Variants in CNTNAP4 observed in about 807,000 individuals in gnomAD.
CNTNAP4 encodes contactin associated protein family member 4, also known as contactin-associated protein-like 4.
Under a neutral mutation model 148.4 loss-of-function variants are expected in CNTNAP4, and 98 were observed. That is an observed-to-expected ratio of 0.66 (90% CI 0.56 to 0.78). The LOEUF (loss-of-function observed/expected upper bound fraction) is 0.78. Ranked by LOEUF, CNTNAP4 falls within the 30% of genes least tolerant of loss-of-function variation. The probability of loss-of-function intolerance (pLI) is 0.00; values close to 1 mark genes in which losing one functional copy is unlikely to be tolerated. For missense variants in CNTNAP4, 1,935 were observed against 1,565.6 expected, an observed-to-expected ratio of 1.24 and a Z score of -3.98; for synonymous variants, 730 against 565.1, an observed-to-expected ratio of 1.29 and a Z score of -4.14.
At chr16:76,299,319 C>T (rs577784160) in intron 1 of CNTNAP4, among the ~76,000 whole-genome samples, 1 of 152,100 alleles carries the variant, frequency 6.6e-6, no homozygotes, top group Non-Finnish European at 1.5e-5. Flanking sequence ...ACAACCCCAT[C>T]AACAAATGGG....
At chr16:76,451,454 G>T (rs2080467758) in intron 7 of CNTNAP4, among the ~76,000 whole-genome samples, 1 of 152,050 alleles carries the variant, frequency 6.6e-6, no homozygotes, top group Non-Finnish European at 1.5e-5. Flanking sequence ...CACATCACAA[G>T]TGTATTTATT....
intron 8 of CNTNAP4, among the ~76,000 whole-genome samples, chr16:76,460,058 C>G (rs910289523): frequency 6.6e-6 from 1 of 151,822 alleles, no homozygotes; most frequent in Non-Finnish European, 1.5e-5. Flanking sequence ...CATATTTTTC[C>G]TTTATTAAAA....
intron 15 of CNTNAP4, among the ~76,000 whole-genome samples, chr16:76,510,485 C>G (rs1341142209): frequency 1.3e-5 from 2 of 148,862 alleles, no homozygotes; most frequent in Non-Finnish European, 3.0e-5. Context: ...TTTTTGTGGA[C>G]AAAGGCTTTA....
At chr16:76,458,869 T>C (rs1446320363) in intron 8 of CNTNAP4, among the ~76,000 whole-genome samples, 1 of 152,244 alleles carries the variant, frequency 6.6e-6, no homozygotes, top group Non-Finnish European at 1.5e-5. Flanking sequence ...ATAGTAATTC[T>C]ACTTTTAGTT....
rs189607684 is a variant in CNTNAP4, at chr16:76,322,018, T to A, written c.196+5495T>A. On this transcript the variant is annotated intron_variant, in intron 2 of 23. Transcript: ENST00000611870. ...GCTGGGGCAGGTGAACTTCACTGACTGAGTTTGTTGCACTGGAGATGCCCT... is the reference window on the plus strand; with the variant it reads ...GCTGGGGCAGGTGAACTTCACTGACAGAGTTTGTTGCACTGGAGATGCCCT... 1.7e-4 allele frequency among the ~76,000 whole-genome samples: 26 copies of A among 152,256 alleles called. No individual in the cohort carries two copies. In the East Asian group the frequency reaches 3.9e-3, roughly 23 times the overall value.
chr16:76,535,442 C>A, intron 17 of CNTNAP4, 103 bp from the exon 18 acceptor site: 1 of 1,178,266 alleles, frequency 8.5e-7, no homozygotes, highest in Non-Finnish European at 1.2e-6. Flanking sequence ...TTTGCTCATC[C>A]ATTTTTTTTG....
intron 3 of CNTNAP4, among the ~76,000 whole-genome samples, chr16:76,424,145 C>T (rs962151221): frequency 3.3e-5 from 5 of 152,062 alleles, no homozygotes; most frequent in African/African-American, 7.2e-5. Context: ...ATAAATTGAT[C>T]AAGTGAAAAG....
At chr16:76,376,042 C>T (rs2015379747) in intron 3 of CNTNAP4, among the ~76,000 whole-genome samples, 3 of 147,246 alleles carry the variant, frequency 2.0e-5, no homozygotes, top group African/African-American at 7.6e-5. Flanking sequence ...CAAAAGGAGA[C>T]AAGAAGGAGC....
At chr16:76,511,931 A>G (rs1375553944) in intron 15 of CNTNAP4, among the ~76,000 whole-genome samples, 3 of 152,106 alleles carry the variant, frequency 2.0e-5, no homozygotes, top group Non-Finnish European at 2.9e-5. Context: ...AAGTTGAGGC[A>G]GGAGTGGGGT....
intron 15 of CNTNAP4, among the ~76,000 whole-genome samples, chr16:76,500,254 C>T (rs1001387978): frequency 3.3e-5 from 5 of 152,218 alleles, no homozygotes; most frequent in African/African-American, 1.2e-4. Flanking sequence ...CCGGACGGGG[C>T]GGCTGGCCGG....
chr16:76,536,376 A>G (rs140888803), intron 18 of CNTNAP4, among the ~76,000 whole-genome samples: 1,775 of 152,022 alleles, frequency 0.012, 45 homozygotes, highest in African/African-American at 0.041. Context: ...TTGTATTTTT[A>G]GTAGAGATAG....
At chr16:76,350,083 A>T (rs567598419) in intron 2 of CNTNAP4, among the ~76,000 whole-genome samples, 1 of 152,070 alleles carries the variant, frequency 6.6e-6, no homozygotes, top group Non-Finnish European at 1.5e-5. Context: ...TGAGTCTTAA[A>T]CATGATTCAG....
At chr16:76,485,816 A>G (rs1420621919) in intron 12 of CNTNAP4, among the ~76,000 whole-genome samples, 1 of 152,210 alleles carries the variant, frequency 6.6e-6, no homozygotes. Flanking sequence ...GAGGGTTAAT[A>G]CATAACTGTC....
At chr16:76,494,808 C>A (rs969397757) in intron 13 of CNTNAP4, 102 bp from the exon 14 acceptor site, 3 of 1,222,658 alleles carry the variant, frequency 2.5e-6, no homozygotes, top group African/African-American at 3.0e-5. Flanking sequence ...CTCCTTTTCT[C>A]CTTTTATTCT....
rs1013392401 is a variant in CNTNAP4, at chr16:76,397,847, A to T, written c.391-29605A>T. ...GCGAAGGAAAGAGATTTCATGCTAA[A>T]GGAAACCTTAGAATTCATGGACTGC... On this transcript the variant is annotated intron_variant, in intron 3 of 23. Transcript: ENST00000611870. Among the ~76,000 whole-genome samples, 150 of 146,312 alleles carry T rather than the reference A, an allele frequency of 1.0e-3. 2 individuals carry two copies. Among genetic ancestry groups the T allele is most frequent in the African/African-American group, 3.6e-3 (144 of 39,828 alleles).
intron 2 of CNTNAP4, among the ~76,000 whole-genome samples, chr16:76,341,963 G>A (rs1296181654): frequency 6.6e-6 from 1 of 152,158 alleles, no homozygotes. Context: ...ACAGAATTTT[G>A]GTCATGACTT....
intron 8 of CNTNAP4, among the ~76,000 whole-genome samples, chr16:76,455,814 A>T (rs145131198): frequency 6.6e-6 from 1 of 152,076 alleles, no homozygotes; most frequent in Admixed American, 6.5e-5. Flanking sequence ...TTTTTTTCTT[A>T]TACATTGTGC....
intron 1 of CNTNAP4, among the ~76,000 whole-genome samples, chr16:76,289,814 A>T (rs911720941): frequency 2.4e-4 from 37 of 151,762 alleles, no homozygotes; most frequent in South Asian, 1.9e-3. Context: ...CAAGTGATCC[A>T]CCCGCCTCAG....
chr16:76,439,683 G>A (rs2079963307), intron 4 of CNTNAP4, among the ~76,000 whole-genome samples: 1 of 152,086 alleles, frequency 6.6e-6, no homozygotes, highest in Admixed American at 6.6e-5. Context: ...TGTTGTTACT[G>A]ACCTTAACTT....
Sources: gnomAD v4.1 joint callset for allele counts (sites outside exome capture counted in the v4.1 genomes callset) on GRCh38, gnomAD v4.1.1 for gene constraint, MANE v1.5 for transcripts, NCBI Gene and HGNC (gene_info 2026-07-23, HGNC 2026-07-21) for gene names.